STK32B: variants seen among roughly 807,000 people sequenced by gnomAD.
STK32B encodes serine/threonine-protein kinase 32B.
Under a neutral mutation model 52.6 loss-of-function variants are expected in STK32B, and 43 were observed. The ratio of observed to expected loss-of-function variants is 0.82; its 90% CI spans 0.64 to 1.05. STK32B has a LOEUF of 1.05. Ranked by LOEUF, STK32B falls within the 50% of genes least tolerant of loss-of-function variation. STK32B has a pLI of 0.00. For missense variants in STK32B, 621 were observed against 534.6 expected (o/e 1.16, Z -1.59); for synonymous variants, 238 against 204.3 (o/e 1.17, Z -1.41).
chr4:5,354,137 A>C (rs1350459504), intron 4 of STK32B, among the ~76,000 whole-genome samples: 1 of 152,230 alleles, frequency 6.6e-6, no homozygotes, highest in Non-Finnish European at 1.5e-5. Flanking sequence ...CAGACACACA[A>C]GGACAAATTG....
At chr4:5,218,273 A>C (rs1302231341) in intron 3 of STK32B, among the ~76,000 whole-genome samples, 2 of 152,126 alleles carry the variant, frequency 1.3e-5, no homozygotes, top group African/African-American at 4.8e-5. Flanking sequence ...CACCAAGCTG[A>C]TTTGTAGTTT....
chr4:5,340,218 A>G (rs780675666), intron 4 of STK32B, among the ~76,000 whole-genome samples: 1 of 152,180 alleles, frequency 6.6e-6, no homozygotes, highest in African/African-American at 2.4e-5. Flanking sequence ...CATCCCCACA[A>G]ATGATTGCAG....
At chr4:5,347,067 A>G (rs878948701) in intron 4 of STK32B, among the ~76,000 whole-genome samples, 1 of 152,132 alleles carries the variant, frequency 6.6e-6, no homozygotes, top group Admixed American at 6.5e-5. Context: ...GTCCCTCCCT[A>G]TACATGTGGG....
chr4:5,132,081 C>T (rs1265463560), intron 1 of STK32B, among the ~76,000 whole-genome samples: 1 of 152,168 alleles, frequency 6.6e-6, no homozygotes, highest in Non-Finnish European at 1.5e-5. Flanking sequence ...CAGCTCCATC[C>T]ATCTTGCTGC....
intron 9 of STK32B, among the ~76,000 whole-genome samples, chr4:5,462,959 G>T (rs1028198896): frequency 3.3e-5 from 5 of 152,294 alleles, no homozygotes; most frequent in African/African-American, 1.2e-4. Flanking sequence ...AGACCCGCAG[G>T]CTCTGCTGAG....
chr4:5,022,743 T>C, the STK32B span, among the ~76,000 whole-genome samples: 1 of 152,220 alleles, frequency 6.6e-6, no homozygotes, highest in African/African-American at 2.4e-5. Flanking sequence ...GGGTTCTTCA[T>C]TTGCCAGATG....
At chr4:5,296,690 A>G (rs919118131) in intron 3 of STK32B, among the ~76,000 whole-genome samples, 1 of 152,164 alleles carries the variant, frequency 6.6e-6, no homozygotes, top group Non-Finnish European at 1.5e-5. Context: ...TGAATCCAGC[A>G]CACTGATGGA....
At chr4:5,100,517 TTC>T in intron 1 of STK32B, among the ~76,000 whole-genome samples, 1 of 50,760 alleles carries the variant, frequency 2.0e-5, no homozygotes, top group Non-Finnish European at 6.9e-5. Flanking sequence ...TCTTCTCTCC[TTC>T]TTCTCTCTTT....
In STK32B at chr4:5,460,950, G is replaced by A. The variant is rs540191164; in HGVS notation, c.909+722G>A. Among the ~76,000 whole-genome samples, 1 of 152,196 alleles carries A rather than the reference G, an allele frequency of 6.6e-6. No individual in the cohort carries two copies. Among genetic ancestry groups the A allele is most frequent in the African/African-American group, 2.4e-5 (1 of 41,440 alleles). On this transcript the variant is annotated intron_variant, in intron 9 of 11. Coordinates refer to ENST00000282908, the MANE Select transcript of STK32B (RefSeq NM_018401.3). The surrounding 1 kb of genome is among the most constrained non-coding windows in gnomAD (Gnocchi z 4.8). Reference sequence around the variant, plus strand: ...GAGTGTTTAAGGCAGGGAAGTGAAAGCATTGGATTTACATTTTAAAGGAGG... The same window carrying A: ...GAGTGTTTAAGGCAGGGAAGTGAAAACATTGGATTTACATTTTAAAGGAGG...
chr4:5,099,455 C>CGCGCGTGCGCGCGCACAT (rs1553823540), intron 1 of STK32B, among the ~76,000 whole-genome samples: 2 of 36,572 alleles, frequency 5.5e-5, no homozygotes, highest in Non-Finnish European at 1.1e-4. Context: ...TGTGTGCGCG[C>CGCGCGTGCGCGCGCACAT]GCGCGTATGT....
intron 3 of STK32B, among the ~76,000 whole-genome samples, chr4:5,186,255 TA>T (rs1297399517): frequency 2.6e-5 from 4 of 152,166 alleles, no homozygotes; most frequent in Non-Finnish European, 5.9e-5. Flanking sequence ...TGTTATGGCA[TA>T]AAGGCAGCTC....
At chr4:5,323,617 C>G (rs1409077744) in intron 3 of STK32B, among the ~76,000 whole-genome samples, 1 of 152,190 alleles carries the variant, frequency 6.6e-6, no homozygotes, top group Non-Finnish European at 1.5e-5. Context: ...ACCCTCTACC[C>G]TCTGTCTTTT....
At chr4:5,478,679 A>G (rs904918621) in intron 11 of STK32B, among the ~76,000 whole-genome samples, 2 of 152,232 alleles carry the variant, frequency 1.3e-5, no homozygotes, top group African/African-American at 4.8e-5. Context: ...AATCGTTTAC[A>G]TGGAGTGGGT....
intron 11 of STK32B, among the ~76,000 whole-genome samples, chr4:5,482,381 CTGTT>C (rs1396854095): frequency 4.6e-5 from 7 of 152,106 alleles, no homozygotes; most frequent in African/African-American, 1.2e-4. Context: ...ATTTGGCTCT[CTGTT>C]TGTCTGTTAT....
chr4:5,369,022 A>C (rs897423827), intron 4 of STK32B, among the ~76,000 whole-genome samples: 2 of 152,044 alleles, frequency 1.3e-5, no homozygotes, highest in East Asian at 3.9e-4. Flanking sequence ...ATCGCACCCC[A>C]CAATCCCTGC....
At chr4:5,251,477 T>C (rs992596061) in intron 3 of STK32B, among the ~76,000 whole-genome samples, 46 of 152,236 alleles carry the variant, frequency 3.0e-4, no homozygotes, top group Non-Finnish European at 1.5e-4. Flanking sequence ...TTTTGTTTAC[T>C]GTAGCCCTTT....
At chr4:5,250,606 C>T (rs1369924158) in intron 3 of STK32B, among the ~76,000 whole-genome samples, 1 of 152,130 alleles carries the variant, frequency 6.6e-6, no homozygotes, top group African/African-American at 2.4e-5. Flanking sequence ...AGCCACCGTG[C>T]CCAGCTGTTT....
At chr4:5,331,140 TC>T in intron 3 of STK32B, 79 bp from the exon 4 acceptor site, 1 of 1,384,326 alleles carries the variant, frequency 7.2e-7, no homozygotes, top group South Asian at 1.4e-5. Flanking sequence ...AGTTTGCTCT[TC>T]TGTAAAATGG....
intron 3 of STK32B, among the ~76,000 whole-genome samples, chr4:5,175,409 C>G (rs539006297): frequency 6.6e-6 from 1 of 152,268 alleles, no homozygotes; most frequent in East Asian, 1.9e-4. Flanking sequence ...TTTTTCTGCT[C>G]TGTTTTTTCC....
Sources: allele counts gnomAD v4.1 joint callset (sites outside exome capture counted in the v4.1 genomes callset), GRCh38; gene constraint gnomAD v4.1.1; non-coding constraint Gnocchi (gnomAD v3.1); transcripts MANE v1.5; gene names NCBI Gene and HGNC (gene_info 2026-07-23, HGNC 2026-07-21).